PIEZO1: variants seen among roughly 807,000 people sequenced by gnomAD.
PIEZO1 encodes piezo-type mechanosensitive ion channel component 1.
A neutral mutation model predicts 297.2 loss-of-function variants in PIEZO1; 296 were observed. That is an observed-to-expected ratio of 1.00 (90% CI 0.91 to 1.10). The LOEUF (loss-of-function observed/expected upper bound fraction) is 1.10. Ranked by LOEUF, PIEZO1 falls within the 50% of genes least tolerant of loss-of-function variation. The probability of loss-of-function intolerance (pLI) is 0.00; values close to 1 mark genes in which losing one functional copy is unlikely to be tolerated. For synonymous variants in PIEZO1, 2,427 were observed against 1,507.5 expected, an observed-to-expected ratio of 1.61 and a Z score of -14.13; for missense variants, 5,018 against 3,455.5, an observed-to-expected ratio of 1.45 and a Z score of -11.34.
At chr16:88,747,884 G>A (rs1274184784) in intron 2 of PIEZO1, among the ~76,000 whole-genome samples, 2 of 152,208 alleles carry the variant, frequency 1.3e-5, no homozygotes, top group Non-Finnish European at 2.9e-5. Flanking sequence ...TCTGGAGATG[G>A]AGGGAGGGGC....
At chr16:88,768,828 G>A (rs972597736) in intron 1 of PIEZO1, among the ~76,000 whole-genome samples, 3 of 152,246 alleles carry the variant, frequency 2.0e-5, no homozygotes, top group South Asian at 2.1e-4. Flanking sequence ...CAGCGACACC[G>A]CGAGCTGCAG....
At chr16:88,743,202 C>T (rs1276785628) in intron 2 of PIEZO1, 8 of 456,162 alleles carry the variant, frequency 1.8e-5, no homozygotes, top group Non-Finnish European at 2.6e-5. Context: ...GCTGGGCGGG[C>T]GCACCCTGTG....
At chr16:88,775,173 G>A (rs1907601841) in intron 1 of PIEZO1, among the ~76,000 whole-genome samples, 1 of 152,252 alleles carries the variant, frequency 6.6e-6, no homozygotes, top group Admixed American at 6.5e-5. Flanking sequence ...ACAGGACGCA[G>A]GCCCTGGGGA....
rs1453135472 is a variant in PIEZO1, at chr16:88,768,790, G to A, written c.64+16111C>T. On this transcript the variant is annotated intron_variant, in intron 1 of 50. Coordinates refer to ENST00000301015, the MANE Select transcript of PIEZO1 (RefSeq NM_001142864.4). ...CCTTCTAGGCCTCGGCCAGTCTGGG[G>A]TGGGGGCGGTGCCCACAATGGGCAG... 1.2e-4 allele frequency among the ~76,000 whole-genome samples: 19 copies of A among 152,252 alleles called. 1 individual carries two copies. The highest frequency in any genetic ancestry group is 1.2e-3 in the Admixed American group (19 of 15,294).
In PIEZO1 at chr16:88,721,554, T is replaced by A; in HGVS notation, c.5387A>T (p.His1796Leu). Residue 1796 changes from histidine to leucine, a missense_variant, in exon 38 of 51, where the codon CAC (histidine) becomes CTC (leucine). By Grantham distance (99) the His-to-Leu change is moderately conservative. Transcript: ENST00000301015. ...DLVQLMALFF[H>L]RSQLLCYGLW... ...CACACTCACCAGCAGCTGGGAGCGG[T>A]GGAAGAAAAGGGCCATGAGCTGCAC... The A allele has an allele frequency of 6.5e-7, 1 of 1,548,532 alleles. No homozygotes were observed. Among genetic ancestry groups the A allele is most frequent in the Non-Finnish European group, 8.7e-7 (1 of 1,145,948 alleles).
At chr16:88,765,522 C>G (rs1409254648) in intron 1 of PIEZO1, among the ~76,000 whole-genome samples, 1 of 152,204 alleles carries the variant, frequency 6.6e-6, no homozygotes, top group Non-Finnish European at 1.5e-5. Flanking sequence ...GTACCAGAAC[C>G]ATCTTGCCCT....
At chr16:88,717,281 A>G in intron 44 of PIEZO1, 70 bp from the exon 45 acceptor site, 1 of 1,394,418 alleles carries the variant, frequency 7.2e-7, no homozygotes, top group Non-Finnish European at 9.8e-7. Context: ...CGCATTCTCC[A>G]GCTCACCCAG....
At position 88,785,152 on chromosome 16, in the gene PIEZO1, C is replaced by T; in HGVS notation, c.-188G>A. On this transcript the variant is annotated 5_prime_UTR_variant, in exon 1 of 51. Coordinates refer to ENST00000301015, the MANE Select transcript of PIEZO1 (RefSeq NM_001142864.4). ...CCCGGGCCCGCGCTCGCTCAGGCGACCGCCCTGCCCCTCGGCGGAGCGCAG... is the reference window on the plus strand; with the variant it reads ...CCCGGGCCCGCGCTCGCTCAGGCGATCGCCCTGCCCCTCGGCGGAGCGCAG... 3.3e-6 allele frequency: 1 copy of T among 304,306 alleles called. No individual in the cohort carries two copies. Among genetic ancestry groups the T allele is most frequent in the Admixed American group, 5.3e-5 (1 of 18,902 alleles). The allele number at this position is 304,306 out of a possible 1,614,324, so 18.9% of individuals were successfully genotyped here.
At chr16:88,780,107 C>T (rs1448339374) in intron 1 of PIEZO1, among the ~76,000 whole-genome samples, 30 of 152,208 alleles carry the variant, frequency 2.0e-4, no homozygotes, top group Non-Finnish European at 2.9e-5. Context: ...GCCACCAGGT[C>T]GGCCACCCCT....
chr16:88,726,203 C>A (rs1312175143), intron 27 of PIEZO1, 81 bp downstream of exon 27: 25 of 1,237,358 alleles, frequency 2.0e-5, no homozygotes, highest in Non-Finnish European at 2.5e-5. Context: ...CGGGCCGGGG[C>A]CTGAGACAGT....
At chr16:88,722,095 G>T (rs747295957) in intron 36 of PIEZO1, 29 bp from the exon 37 acceptor site, 5 of 1,536,136 alleles carry the variant, frequency 3.3e-6, no homozygotes, top group Non-Finnish European at 4.4e-6. Context: ...GTTTGGGGGA[G>T]TCTGGGACTG....
intron 1 of PIEZO1, among the ~76,000 whole-genome samples, chr16:88,770,121 T>G (rs541380408): frequency 3.8e-4 from 55 of 145,712 alleles, no homozygotes; most frequent in African/African-American, 1.3e-3. Context: ...CCCCAGCCCC[T>G]CCCCACCCTC....
At chr16:88,757,995 C>T (rs1369650156) in intron 1 of PIEZO1, among the ~76,000 whole-genome samples, 1 of 152,296 alleles carries the variant, frequency 6.6e-6, no homozygotes, top group Middle Eastern at 3.4e-3. Context: ...CTCTGTGCCT[C>T]TACTTCTCTG....
Position 88,716,458 on chromosome 16 carries a change from CCA to C in PIEZO1, c.6950_6951del (p.Val2317GlyfsTer37), listed in dbSNP as rs1912040535. 6.5e-7 allele frequency: 1 copy of C among 1,549,290 alleles called. No homozygotes were observed. Among genetic ancestry groups the C allele is most frequent in the Admixed American group, 2.0e-5 (1 of 50,870 alleles). On this transcript the variant is annotated frameshift_variant, in exon 48 of 51. Coordinates refer to ENST00000301015, the MANE Select transcript of PIEZO1 (RefSeq NM_001142864.4). LOFTEE classifies it high-confidence loss of function. ...AGCATGTGCTTCTCGTTGGCATACT[CCA>C]CAGTGCCTCCCTTCGCCAGGTCCCT... Reference protein sequence around the residue: ...FQRDLAKGGTVEYANEKHMLA... With the variant: ...FQRDLAKGGTXEYANEKHMLA...
intron 1 of PIEZO1, among the ~76,000 whole-genome samples, chr16:88,761,324 CT>C (rs1431325605): frequency 6.6e-6 from 1 of 152,220 alleles, no homozygotes; most frequent in Admixed American, 6.5e-5. Flanking sequence ...CCCAGGTGAC[CT>C]GCTGGTGGGT....
rs1304768403 is a variant in PIEZO1, at chr16:88,738,413, C to T, written c.662G>A (p.Ser221Asn). ...GGCCAGGAAGAGCAGCAGGTAGACA[C>T]TGGAGAGGGCCGAGGGGTGGGCGAT... ...AGIAHPSALS[S>N]VYLLLFLALC... The change falls in exon 7 of 51, where the codon AGT becomes AAT. Residue 221 changes from serine (S) to asparagine (N), a missense_variant. Physicochemically the swap from Ser to Asn is conservative, Grantham distance 46 (BLOSUM62 1). Coordinates refer to ENST00000301015, the MANE Select transcript of PIEZO1 (RefSeq NM_001142864.4). The T allele has an allele frequency of 5.2e-6, 8 of 1,535,842 alleles. No homozygotes were observed. Among genetic ancestry groups the T allele is most frequent in the Non-Finnish European group, 7.0e-6 (8 of 1,146,836 alleles).
In PIEZO1 at chr16:88,732,217, C is replaced by A; in HGVS notation, c.2991+118G>T. ...CCGTGCCTGGCCCTGAGTCCCCCACCCTCTGTGGCCCAGGCAAACCCAGGT... is the reference window on the plus strand; with the variant it reads ...CCGTGCCTGGCCCTGAGTCCCCCACACTCTGTGGCCCAGGCAAACCCAGGT... On this transcript the variant is annotated intron_variant, in intron 21 of 50. Coordinates refer to ENST00000301015, the MANE Select transcript of PIEZO1 (RefSeq NM_001142864.4). The A allele has an allele frequency of 4.7e-6, 4 of 848,730 alleles. No individual in the cohort carries two copies. In the South Asian group the frequency reaches 5.0e-5, roughly 11 times the overall value. 52.6% of individuals were successfully genotyped at this position (848,730 alleles called of 1,614,324 possible).
chr16:88,784,914 G>C lies in PIEZO1; in HGVS notation c.51C>G (p.Cys17Trp). ...GAVLYWLLLP[C>W]ALLAACLLRF... ...CCCCCCACTCACCAGCCAGCAGCGC[G>C]CAGGGCAGCAGCAGCCAGTACAGGA... The change falls in exon 1 of 51, where the codon TGC becomes TGG. Residue 17 changes from cysteine to tryptophan, a missense_variant. By Grantham distance (215) the Cys-to-Trp change is radical. Coordinates refer to ENST00000301015, the MANE Select transcript of PIEZO1 (RefSeq NM_001142864.4). 1 of 1,434,366 alleles carries C rather than the reference G, an allele frequency of 7.0e-7. No individual in the cohort carries two copies. Among genetic ancestry groups the C allele is most frequent in the Non-Finnish European group, 9.2e-7 (1 of 1,091,744 alleles). 88.9% of individuals were successfully genotyped at this position (1,434,366 alleles called of 1,614,324 possible).
Position 88,784,967 on chromosome 16 carries a change from C to A in PIEZO1, c.-3G>T. On this transcript the variant is annotated 5_prime_UTR_variant, in exon 1 of 51. Coordinates refer to ENST00000301015, the MANE Select transcript of PIEZO1 (RefSeq NM_001142864.4). The stretch of plus-strand genomic sequence containing the variant: ...GCGCCGAGCACGTGCGGCTCCATGG[C>A]TGGAGGGCCCAGGGCCCGGCCCAGA... The A allele has an allele frequency of 7.3e-7, 1 of 1,363,090 alleles. No individual in the cohort carries two copies. Among genetic ancestry groups the A allele is most frequent in the South Asian group, 1.5e-5 (1 of 64,784 alleles). 84.4% of individuals were successfully genotyped at this position (1,363,090 alleles called of 1,614,324 possible).
Sources: allele counts gnomAD v4.1 joint callset (sites outside exome capture counted in the v4.1 genomes callset), GRCh38; gene constraint gnomAD v4.1.1; transcripts MANE v1.5; gene names NCBI Gene and HGNC (gene_info 2026-07-23, HGNC 2026-07-21).